Variants in GNAQ observed in about 807,000 individuals in gnomAD.
GNAQ encodes G protein subunit alpha q.
Under a neutral mutation model 43.9 loss-of-function variants are expected in GNAQ, and 8 were observed. The ratio of observed to expected loss-of-function variants is 0.18; its 90% CI spans 0.11 to 0.33. The LOEUF is 0.33. Ranked by LOEUF, GNAQ falls within the 10% of genes least tolerant of loss-of-function variation. The probability of loss-of-function intolerance (pLI) is 1.00; values close to 1 mark genes in which losing one functional copy is unlikely to be tolerated. For missense variants in GNAQ, 158 were observed against 450.8 expected, an observed-to-expected ratio of 0.35 and a Z score of 5.88; for synonymous variants, 155 against 170.7, an observed-to-expected ratio of 0.91 and a Z score of 0.71.
rs1827907353 is a variant in GNAQ at position 77,864,064 on chromosome 9, T to C, written c.322-48294A>G. On this transcript the variant is annotated intron_variant, in intron 2 of 6. Coordinates refer to ENST00000286548, the MANE Select transcript of GNAQ (RefSeq NM_002072.5). ...AAGAAGCATGGCACCAGCACCTGCA[T>C]CTGGGGAGGACCTCAGGCTGCTTCT... Among the ~76,000 whole-genome samples, 3 of 151,928 alleles carry C rather than the reference T, an allele frequency of 2.0e-5. No homozygotes were observed. The South Asian group carries it at 6.2e-4, about 32-fold the overall frequency.
At chr9:77,965,842 A>C (rs1823159724) in intron 1 of GNAQ, among the ~76,000 whole-genome samples, 1 of 151,388 alleles carries the variant, frequency 6.6e-6, no homozygotes, top group African/African-American at 2.4e-5. Context: ...TCCGAGCAAA[A>C]AAAAAAAAAA....
intron 1 of GNAQ, among the ~76,000 whole-genome samples, chr9:77,939,225 C>T (rs1465529517): frequency 1.3e-5 from 2 of 152,184 alleles, no homozygotes; most frequent in Admixed American, 6.6e-5. Context: ...CATTTACAGT[C>T]TTTTATAGCA....
intron 2 of GNAQ, among the ~76,000 whole-genome samples, chr9:77,877,934 C>G (rs1828150366): frequency 6.6e-6 from 1 of 152,178 alleles, no homozygotes; most frequent in Non-Finnish European, 1.5e-5. Context: ...CTGACTAAAA[C>G]TTAATGTCTA....
chr9:78,003,747 C>T (rs970327766), intron 1 of GNAQ, among the ~76,000 whole-genome samples: 2 of 149,642 alleles, frequency 1.3e-5, no homozygotes, highest in East Asian at 3.9e-4. Context: ...ACCGGGGAGG[C>T]AGAGGTTGCA....
intron 5 of GNAQ, among the ~76,000 whole-genome samples, chr9:77,759,575 A>C (rs1482286342): frequency 6.6e-6 from 1 of 152,186 alleles, no homozygotes; most frequent in Non-Finnish European, 1.5e-5. Context: ...TCTACTGTGG[A>C]CCATGTGGCA....
At chr9:77,742,001 T>G (rs948323517) in intron 5 of GNAQ, among the ~76,000 whole-genome samples, 25 of 152,204 alleles carry the variant, frequency 1.6e-4, no homozygotes, top group African/African-American at 6.0e-4. Context: ...ATATTATCTG[T>G]AGACTTCAGT....
At position 77,727,869 on chromosome 9, in the gene GNAQ, G is replaced by A. The variant is rs574433406; in HGVS notation, c.889+645C>T. Among the ~76,000 whole-genome samples, 22 of 152,310 alleles carry A rather than the reference G, an allele frequency of 1.4e-4. No homozygotes were observed. The South Asian group carries it at 4.3e-3, about 30-fold the overall frequency. On this transcript the variant is annotated intron_variant, in intron 6 of 6. Transcript: ENST00000286548. ...AAAATTGTGTTCCTCCCCAGAGAGAGGAGAGGCAGAGGTGGACGGTAACCA... is the reference window on the plus strand; with the variant it reads ...AAAATTGTGTTCCTCCCCAGAGAGAAGAGAGGCAGAGGTGGACGGTAACCA...
chr9:77,884,909 TTCTC>T (rs1828277918), intron 2 of GNAQ, among the ~76,000 whole-genome samples: 1 of 152,208 alleles, frequency 6.6e-6, no homozygotes. Context: ...GAAAGTACTA[TTCTC>T]CTTTGTAGCT....
intron 1 of GNAQ, among the ~76,000 whole-genome samples, chr9:77,942,507 G>C (rs565339696): frequency 3.2e-4 from 49 of 152,256 alleles, no homozygotes; most frequent in Admixed American, 7.2e-4. Context: ...AACAGAACTG[G>C]CATGCTGGAT....
chr9:77,742,593 A>C (rs969050877), intron 5 of GNAQ, among the ~76,000 whole-genome samples: 5 of 152,144 alleles, frequency 3.3e-5, no homozygotes, highest in African/African-American at 1.2e-4. Context: ...AAAAAAAAAA[A>C]CCAATGTTCC....
At chr9:77,843,894 C>A (rs1384543220) in intron 2 of GNAQ, among the ~76,000 whole-genome samples, 4 of 152,126 alleles carry the variant, frequency 2.6e-5, no homozygotes, top group Admixed American at 6.5e-5. Flanking sequence ...CTGGATGGGT[C>A]TGTGGCTCAG....
intron 1 of GNAQ, among the ~76,000 whole-genome samples, chr9:77,939,781 A>G (rs573699302): frequency 1.3e-5 from 2 of 152,350 alleles, no homozygotes; most frequent in Non-Finnish European, 2.9e-5. Flanking sequence ...AATATTTTAT[A>G]ATCATAATAT....
At chr9:77,937,383 A>G (rs1829246510) in intron 1 of GNAQ, among the ~76,000 whole-genome samples, 1 of 152,150 alleles carries the variant, frequency 6.6e-6, no homozygotes, top group Non-Finnish European at 1.5e-5. Context: ...GGTTGCAGTG[A>G]GCCAAGATCG....
At chr9:77,752,066 C>T (rs2118295700) in intron 5 of GNAQ, among the ~76,000 whole-genome samples, 1 of 152,318 alleles carries the variant, frequency 6.6e-6, no homozygotes, top group Non-Finnish European at 1.5e-5. Context: ...AACTTTATCT[C>T]AGTATGCACG....
intron 5 of GNAQ, among the ~76,000 whole-genome samples, chr9:77,754,743 G>A (rs1185545652): frequency 5.9e-5 from 9 of 152,322 alleles, no homozygotes; most frequent in Admixed American, 3.9e-4. Flanking sequence ...AAATGCTGGC[G>A]AGGATGTGGA....
At chr9:77,971,274 T>C (rs1315227736) in intron 1 of GNAQ, among the ~76,000 whole-genome samples, 9 of 152,160 alleles carry the variant, frequency 5.9e-5, no homozygotes, top group Admixed American at 5.9e-4. Context: ...CCCGAACTCA[T>C]TTTATGAGGC....
intron 5 of GNAQ, among the ~76,000 whole-genome samples, chr9:77,773,017 C>G (rs893806397): frequency 1.3e-5 from 2 of 152,222 alleles, no homozygotes; most frequent in Non-Finnish European, 2.9e-5. Context: ...CCACGTGAGG[C>G]CCACAGGCTA....
At chr9:77,960,376 G>A (rs1027467853) in intron 1 of GNAQ, among the ~76,000 whole-genome samples, 5 of 152,176 alleles carry the variant, frequency 3.3e-5, no homozygotes, top group African/African-American at 9.6e-5. Context: ...CAGGCAAAGC[G>A]AGGTAGGCAG....
At chr9:77,926,984 T>C (rs996546375) in intron 1 of GNAQ, among the ~76,000 whole-genome samples, 1 of 152,176 alleles carries the variant, frequency 6.6e-6, no homozygotes, top group Non-Finnish European at 1.5e-5. Context: ...TCTCCTTCCA[T>C]CAGAACAAAC....
Sources: allele counts gnomAD v4.1 joint callset (sites outside exome capture counted in the v4.1 genomes callset), GRCh38; gene constraint gnomAD v4.1.1; transcripts MANE v1.5; gene names NCBI Gene and HGNC (gene_info 2026-07-23, HGNC 2026-07-21).